Variants in INPP4B observed in about 807,000 individuals in gnomAD.
The protein encoded by INPP4B is inositol polyphosphate 4-phosphatase type II.
In INPP4B, 55 loss-of-function variants were observed where a neutral mutation model predicts 122.5. The observed-to-expected ratio is 0.45, with a 90% CI of 0.36 to 0.56. The LOEUF is 0.56. Ranked by LOEUF, INPP4B falls within the 20% of genes least tolerant of loss-of-function variation. INPP4B has a pLI of 0.00. For synonymous variants in INPP4B, 403 were observed against 388.7 expected, an observed-to-expected ratio of 1.04 and a Z score of -0.43; for missense variants, 1,000 against 1,097.7, an observed-to-expected ratio of 0.91 and a Z score of 1.26.
intron 2 of INPP4B, among the ~76,000 whole-genome samples, chr4:142,568,803 T>C (rs1732190003): frequency 6.6e-6 from 1 of 152,142 alleles, no homozygotes; most frequent in Non-Finnish European, 1.5e-5. Flanking sequence ...GCTTCTCTGT[T>C]GGAAAAAGTA....
At chr4:142,299,811 C>A (rs981649882) in intron 9 of INPP4B, among the ~76,000 whole-genome samples, 1 of 151,864 alleles carries the variant, frequency 6.6e-6, no homozygotes, top group Non-Finnish European at 1.5e-5. Flanking sequence ...ACCACCCCCC[C>A]AAAAAACTGG....
chr4:142,697,507 G>A (rs1761185573), intron 2 of INPP4B, among the ~76,000 whole-genome samples: 1 of 152,170 alleles, frequency 6.6e-6, no homozygotes, highest in African/African-American at 2.4e-5. Context: ...TCTTAAAAAT[G>A]TCATCCAATT....
intron 1 of INPP4B, among the ~76,000 whole-genome samples, chr4:142,793,668 G>A (rs1039942665): frequency 3.3e-5 from 5 of 152,052 alleles, no homozygotes; most frequent in African/African-American, 1.2e-4. Context: ...AGGGTGCAGA[G>A]CTAAGCACTT....
intron 1 of INPP4B, among the ~76,000 whole-genome samples, chr4:142,787,639 T>C (rs1580916580): frequency 1.3e-5 from 2 of 152,092 alleles, no homozygotes; most frequent in Admixed American, 6.6e-5. Flanking sequence ...TATGCAGCAA[T>C]AGTTGGGAAT....
chr4:142,189,646 A>G (rs1376879816), intron 15 of INPP4B, among the ~76,000 whole-genome samples: 1 of 152,204 alleles, frequency 6.6e-6, no homozygotes, highest in African/African-American at 2.4e-5. Context: ...ACAGAAAGAA[A>G]TGAAAAATAG....
At chr4:142,128,522 C>G (rs937609889) in intron 18 of INPP4B, among the ~76,000 whole-genome samples, 1 of 152,080 alleles carries the variant, frequency 6.6e-6, no homozygotes, top group Non-Finnish European at 1.5e-5. Flanking sequence ...GGGCTCCTTT[C>G]CATGACAGAG....
At chr4:142,371,119 C>A (rs1439110796) in intron 7 of INPP4B, among the ~76,000 whole-genome samples, 1 of 151,748 alleles carries the variant, frequency 6.6e-6, no homozygotes, top group East Asian at 1.9e-4. Context: ...AGCCCAGAAA[C>A]AAATTCACAG....
At chr4:142,571,426 G>A (rs557062066) in intron 2 of INPP4B, among the ~76,000 whole-genome samples, 16 of 152,178 alleles carry the variant, frequency 1.1e-4, no homozygotes, top group East Asian at 9.7e-4. Context: ...TATGAAAGAA[G>A]TCAGCTAATC....
intron 2 of INPP4B, among the ~76,000 whole-genome samples, chr4:142,479,957 A>G (rs1820307942): frequency 6.6e-6 from 1 of 152,180 alleles, no homozygotes; most frequent in South Asian, 2.1e-4. Context: ...AACCTAAAAT[A>G]AAAGTTAAGA....
intron 8 of INPP4B, among the ~76,000 whole-genome samples, chr4:142,313,091 G>C (rs35298298): frequency 6.6e-6 from 1 of 152,166 alleles, no homozygotes. Context: ...TAGCCCGTAG[G>C]GGGAAATGGT....
chr4:142,620,600 C>A (rs188745043), intron 2 of INPP4B, among the ~76,000 whole-genome samples: 12 of 151,914 alleles, frequency 7.9e-5, no homozygotes, highest in Admixed American at 6.6e-4. Context: ...AACAAACCCG[C>A]ATGACATGCA....
intron 14 of INPP4B, among the ~76,000 whole-genome samples, chr4:142,208,111 T>C (rs753643814): frequency 5.3e-5 from 8 of 152,126 alleles, no homozygotes; most frequent in Non-Finnish European, 1.2e-4. Context: ...TTTTTATTTA[T>C]TTTTTTCTAA....
intron 10 of INPP4B, among the ~76,000 whole-genome samples, chr4:142,267,617 C>CATT (rs1743470623): frequency 6.6e-6 from 1 of 152,072 alleles, no homozygotes. Flanking sequence ...TATAAAAGTA[C>CATT]TAGGAAGAAA....
At chr4:142,805,360 A>G (rs944214207) in intron 1 of INPP4B, among the ~76,000 whole-genome samples, 1 of 152,212 alleles carries the variant, frequency 6.6e-6, no homozygotes, top group Non-Finnish European at 1.5e-5. Flanking sequence ...AATAAATAGA[A>G]AAAGAATGGA....
intron 19 of INPP4B, 73 bp from the exon 20 acceptor site, chr4:142,123,488 CTT>C: frequency 6.9e-7 from 1 of 1,439,926 alleles, no homozygotes; most frequent in African/African-American, 1.4e-5. Context: ...TATTTTAAGA[CTT>C]CTGAGGCATC....
chr4:142,289,969 C>T (rs548831059), intron 9 of INPP4B, among the ~76,000 whole-genome samples: 2 of 152,108 alleles, frequency 1.3e-5, no homozygotes, highest in Admixed American at 6.5e-5. Context: ...ACCACCATCA[C>T]TCCTCCCTTG....
intron 12 of INPP4B, among the ~76,000 whole-genome samples, chr4:142,218,987 T>A (rs1361857807): frequency 6.6e-6 from 1 of 152,182 alleles, no homozygotes. Flanking sequence ...ATTCAAAATA[T>A]CTGTGCTTTA....
At chr4:142,233,294 C>T (rs1855259042) in intron 12 of INPP4B, among the ~76,000 whole-genome samples, 1 of 152,036 alleles carries the variant, frequency 6.6e-6, no homozygotes, top group African/African-American at 2.4e-5. Context: ...TTTGTATCTG[C>T]TACTCATTGG....
chr4:142,629,399 AATG>A (rs1747392050), intron 2 of INPP4B, among the ~76,000 whole-genome samples: 1 of 152,108 alleles, frequency 6.6e-6, no homozygotes, highest in Non-Finnish European at 1.5e-5. Context: ...AATAAATAAG[AATG>A]ATATTAGCTT....
Sources: allele counts gnomAD v4.1 joint callset (sites outside exome capture counted in the v4.1 genomes callset), GRCh38; gene constraint gnomAD v4.1.1; transcripts MANE v1.5; gene names NCBI Gene and HGNC (gene_info 2026-07-23, HGNC 2026-07-21).